RPS6KA6: variants seen among roughly 807,000 people sequenced by gnomAD.
RPS6KA6 encodes the protein ribosomal protein S6 kinase alpha-6.
Under a neutral mutation model 65.4 loss-of-function variants are expected in RPS6KA6, and 27 were observed. That is an observed-to-expected ratio of 0.41 (90% CI 0.30 to 0.57). The LOEUF (loss-of-function observed/expected upper bound fraction) is 0.57, where lower values mean the gene tolerates loss of function less well. RPS6KA6 is among the 20% of genes least tolerant of loss of function. RPS6KA6 has a pLI of 0.24. For missense variants in RPS6KA6, 486 were observed against 555.6 expected, an observed-to-expected ratio of 0.87 and a Z score of 1.26; for synonymous variants, 190 against 184.2, an observed-to-expected ratio of 1.03 and a Z score of -0.26.
At chrX:84,162,726 G>A (rs184424605) in intron 2 of RPS6KA6, among the ~76,000 whole-genome samples, 1 of 111,842 alleles carries the variant, frequency 8.9e-6, no homozygotes, top group African/African-American at 3.2e-5. Flanking sequence ...AATATAATAA[G>A]CAGCCTTCTC....
chrX:84,104,155 T>G (rs1323809158), intron 17 of RPS6KA6, among the ~76,000 whole-genome samples: 1 of 110,823 alleles, frequency 9.0e-6, no homozygotes, highest in South Asian at 3.7e-4. Context: ...AATCTGAACT[T>G]TATATGTTAG....
At position 84,061,141 on chromosome X, in the gene RPS6KA6, A is replaced by G. The variant is rs1272046306; in HGVS notation, c.*3136T>C. The G allele has an allele frequency of 8.9e-6, 1 of 112,331 alleles. No homozygotes were observed. Among genetic ancestry groups the G allele is most frequent in the Non-Finnish European group, 1.9e-5 (1 of 53,176 alleles). 9.3% of individuals were successfully genotyped at this position (112,331 alleles called of 1,213,427 possible). ...AAAGAGAATGTACAGAATACCACAA[A>G]TATGCTTTGCCCACTTTAAAGCCTA... On this transcript the variant is annotated 3_prime_UTR_variant, in exon 22 of 22. Coordinates refer to ENST00000262752, the MANE Select transcript of RPS6KA6 (RefSeq NM_014496.5).
intron 20 of RPS6KA6, among the ~76,000 whole-genome samples, chrX:84,081,592 A>G (rs1187160709): frequency 8.9e-6 from 1 of 111,898 alleles, no homozygotes; most frequent in Non-Finnish European, 1.9e-5. Flanking sequence ...ATAGAAAAAT[A>G]GGGACTCCTC....
At chrX:84,154,658 TCACCAC>T (rs762801562) in intron 3 of RPS6KA6, among the ~76,000 whole-genome samples, 1 of 109,452 alleles carries the variant, frequency 9.1e-6, no homozygotes, top group Admixed American at 9.9e-5. Context: ...ACCAACTTCA[TCACCAC>T]CACCACCACC....
At chrX:84,094,381 G>A (rs1401653314) in intron 20 of RPS6KA6, among the ~76,000 whole-genome samples, 2 of 106,793 alleles carry the variant, frequency 1.9e-5, no homozygotes, top group African/African-American at 3.4e-5. Context: ...GGTGGCTCAC[G>A]CCTGTAATCC....
rs975267913 is a variant in RPS6KA6, at chrX:84,117,146, G to A, written c.863C>T (p.Ala288Val). The change falls in exon 11 of 22, where the codon GCA becomes GTA. Residue 288 changes from alanine to valine, a missense_variant and splice_region_variant. Ala to Val is a moderately conservative substitution (Grantham distance 64). Transcript: ENST00000262752. ...RNETMNMILK[A>V]KLGMPQFLSA... ...AAGAAATTGAGGCATTCCAAGTTTT[G>A]CTCTGAAACAGAGGATTTTAGAAAG... The A allele has an allele frequency of 8.6e-7, 1 of 1,160,351 alleles. No homozygotes were observed. The highest frequency in any genetic ancestry group is 3.0e-5 in the East Asian group (1 of 33,261).
chrX:84,141,199 C>A (rs1351991100), intron 6 of RPS6KA6, among the ~76,000 whole-genome samples: 1 of 111,064 alleles, frequency 9.0e-6, no homozygotes, highest in Non-Finnish European at 1.9e-5. Context: ...AAATAAGGCA[C>A]AGACAATACT....
intron 2 of RPS6KA6, among the ~76,000 whole-genome samples, chrX:84,158,005 T>C (rs984548447): frequency 9.2e-6 from 1 of 109,197 alleles, no homozygotes; most frequent in African/African-American, 3.3e-5. Flanking sequence ...AGACAGCCAA[T>C]GTAAAATGTT....
intron 6 of RPS6KA6, among the ~76,000 whole-genome samples, chrX:84,142,846 T>C (rs2035130932): frequency 9.0e-6 from 1 of 111,168 alleles, no homozygotes; most frequent in African/African-American, 3.3e-5. Flanking sequence ...GTTAAATACT[T>C]TCCTATAAGA....
intron 12 of RPS6KA6, among the ~76,000 whole-genome samples, chrX:84,114,528 A>G (rs2034529426): frequency 9.0e-6 from 1 of 110,984 alleles, no homozygotes; most frequent in Admixed American, 9.6e-5. Flanking sequence ...AAAAAAACAT[A>G]CTGACCAAAG....
At position 84,088,060 on chromosome X, in the gene RPS6KA6, T is replaced by C. The variant is rs142614001; in HGVS notation, c.1971+8134A>G. 9.7e-3 allele frequency among the ~76,000 whole-genome samples: 1,087 copies of C among 111,609 alleles called. 17 individuals are homozygous for C. Among genetic ancestry groups the C allele is most frequent in the African/African-American group, 0.034 (1,043 of 30,699 alleles). On this transcript the variant is annotated intron_variant, in intron 20 of 21. Coordinates refer to ENST00000262752, the MANE Select transcript of RPS6KA6 (RefSeq NM_014496.5). ...GTTGTCAGCTCCTGTTACCAGCTAT[T>C]GTGTTATCATGATTCATAGCTTCTT...
chrX:84,063,503 C>G lies in RPS6KA6; in HGVS notation c.*774G>C, dbSNP rs892977580. Reference sequence around the variant, plus strand: ...TAACTATGACCTATTTATAAGATTACACCAACAGTATAAAGCCTTTGGAAA... The same window carrying G: ...TAACTATGACCTATTTATAAGATTAGACCAACAGTATAAAGCCTTTGGAAA... On this transcript the variant is annotated 3_prime_UTR_variant, in exon 22 of 22. Transcript: ENST00000262752. 1 of 110,940 alleles carries G rather than the reference C, an allele frequency of 9.0e-6. No homozygotes were observed. Among genetic ancestry groups the G allele is most frequent in the African/African-American group, 3.3e-5 (1 of 30,568 alleles). The allele number at this position is 110,940 out of a possible 1,213,427, so 9.1% of individuals were successfully genotyped here.
chrX:84,151,217 TATATAG>T (rs1355249788), intron 3 of RPS6KA6, among the ~76,000 whole-genome samples: 4 of 91,806 alleles, frequency 4.4e-5, no homozygotes, highest in Admixed American at 1.3e-4. Context: ...ATATAGGATA[TATATAG>T]ATATAGATAT....
At chrX:84,099,240 CA>C (rs1337487361) in intron 18 of RPS6KA6, among the ~76,000 whole-genome samples, 4 of 110,811 alleles carry the variant, frequency 3.6e-5, no homozygotes, top group Non-Finnish European at 7.6e-5. Flanking sequence ...TAATTAGGGC[CA>C]AACATGAAAA....
At chrX:84,184,473 T>G (rs6622950) in intron 1 of RPS6KA6, among the ~76,000 whole-genome samples, 6,867 of 111,401 alleles carry the variant, frequency 0.062, 231 homozygotes, top group East Asian at 0.2. Context: ...CTTGAAGATG[T>G]TTTTTCTCCA....
At chrX:84,135,019 A>G (rs1226470250) in intron 7 of RPS6KA6, 85 bp downstream of exon 7, 19 of 700,214 alleles carry the variant, frequency 2.7e-5, no homozygotes, top group Middle Eastern at 5.9e-4. Context: ...AGAATTCCCT[A>G]TAATATTTAA....
At chrX:84,112,364 T>C (rs751321453) in intron 12 of RPS6KA6, among the ~76,000 whole-genome samples, 4 of 112,048 alleles carry the variant, frequency 3.6e-5, no homozygotes, top group Non-Finnish European at 7.5e-5. Context: ...AACTACAGCA[T>C]ATACATTTTT....
At chrX:84,086,138 T>A (rs954950887) in intron 20 of RPS6KA6, among the ~76,000 whole-genome samples, 2 of 111,199 alleles carry the variant, frequency 1.8e-5, no homozygotes, top group Non-Finnish European at 3.8e-5. Flanking sequence ...TTTTTGAGGG[T>A]TTTTTGTGTC....
chrX:84,161,512 T>C (rs2035511080), intron 2 of RPS6KA6, among the ~76,000 whole-genome samples: 1 of 111,355 alleles, frequency 9.0e-6, no homozygotes, highest in African/African-American at 3.3e-5. Context: ...GAAAAAATAC[T>C]GAAGCATACT....
Sources: allele counts gnomAD v4.1 joint callset (sites outside exome capture counted in the v4.1 genomes callset), GRCh38; gene constraint gnomAD v4.1.1; transcripts MANE v1.5; gene names NCBI Gene and HGNC (gene_info 2026-07-23, HGNC 2026-07-21).